HS6ST3: variants seen among roughly 807,000 people sequenced by gnomAD.
HS6ST3 encodes heparan sulfate 6-O-sulfotransferase 3.
Under a neutral mutation model 36.7 loss-of-function variants are expected in HS6ST3, and 12 were observed. That is an observed-to-expected ratio of 0.33 (90% confidence interval 0.21 to 0.53). The LOEUF is 0.53. Ranked by LOEUF, HS6ST3 falls within the 20% of genes least tolerant of loss-of-function variation. HS6ST3 has a pLI of 0.95. For synonymous variants in HS6ST3, 240 were observed against 257.5 expected, an observed-to-expected ratio of 0.93 and a Z score of 0.65; for missense variants, 584 against 640.9, an observed-to-expected ratio of 0.91 and a Z score of 0.96.
At chr13:96,674,905 C>G (rs150932499) in intron 1 of HS6ST3, among the ~76,000 whole-genome samples, 113 of 152,188 alleles carry the variant, frequency 7.4e-4, no homozygotes, top group African/African-American at 2.6e-3. Flanking sequence ...GAGTTTATGC[C>G]CTTTTCATCC....
intron 1 of HS6ST3, among the ~76,000 whole-genome samples, chr13:96,784,980 C>T (rs915236472): frequency 6.6e-6 from 1 of 152,112 alleles, no homozygotes; most frequent in South Asian, 2.1e-4. Flanking sequence ...CCAGCCTGGC[C>T]AACAGGGTGA....
chr13:96,091,640 G>A, intron 1 of HS6ST3, 71 bp downstream of exon 1: 1 of 1,430,024 alleles, frequency 7.0e-7, no homozygotes, highest in Non-Finnish European at 9.1e-7. Context: ...CTGACCCAGA[G>A]CGACCCCGCG....
intron 1 of HS6ST3, among the ~76,000 whole-genome samples, chr13:96,391,794 G>A (rs569609657): frequency 2.5e-4 from 38 of 152,258 alleles, no homozygotes; most frequent in Non-Finnish European, 3.5e-4. Flanking sequence ...CTGCACCCAC[G>A]ATTCAATCAC....
chr13:96,573,893 G>T, intron 1 of HS6ST3: 1 of 500,744 alleles, frequency 2.0e-6, no homozygotes, highest in South Asian at 1.5e-5. Flanking sequence ...CTCTCCCCCA[G>T]TCTAATGGAA....
chr13:96,708,535 C>T (rs1306857782), intron 1 of HS6ST3, among the ~76,000 whole-genome samples: 1 of 152,178 alleles, frequency 6.6e-6, no homozygotes, highest in Non-Finnish European at 1.5e-5. Flanking sequence ...GTCACCTGTA[C>T]TACTGTCCTC....
At position 96,755,374 on chromosome 13, in the gene HS6ST3, GT is replaced by G. The variant is rs372484642; in HGVS notation, c.708-77108del. 6.0e-5 allele frequency among the ~76,000 whole-genome samples: 9 copies of G among 151,096 alleles called. No individual in the cohort carries two copies. The South Asian group carries it at 8.4e-4, about 14-fold the overall frequency. On this transcript the variant is annotated intron_variant, in intron 1 of 1. Transcript: ENST00000376705. ...TTTTTTTGTTTTTGTTTTTGTTTTT[GT>G]TTTTTTTGAGACAGAGTCTCACTCT...
intron 1 of HS6ST3, among the ~76,000 whole-genome samples, chr13:96,373,778 GT>G (rs1416536746): frequency 6.6e-6 from 1 of 152,092 alleles, no homozygotes; most frequent in East Asian, 1.9e-4. Flanking sequence ...AAGTGGCTGG[GT>G]TTTTCCCAAT....
chr13:96,094,365 C>G (rs2053779790), intron 1 of HS6ST3, among the ~76,000 whole-genome samples: 1 of 152,178 alleles, frequency 6.6e-6, no homozygotes, highest in South Asian at 2.1e-4. Context: ...GTTCCCCACT[C>G]AAGGCCTTCT....
chr13:96,562,236 C>G (rs999502322), intron 1 of HS6ST3, among the ~76,000 whole-genome samples: 2 of 152,154 alleles, frequency 1.3e-5, no homozygotes, highest in Non-Finnish European at 2.9e-5. Context: ...AATATGGATG[C>G]AGCTGGTGGC....
Position 96,520,378 on chromosome 13 carries a change from C to A in HS6ST3, c.708-312112C>A, listed in dbSNP as rs548696825. Among the ~76,000 whole-genome samples the A allele has an allele frequency of 1.5e-3, 228 of 152,180 alleles. 1 individual carries two copies. The highest frequency in any genetic ancestry group is 5.2e-3 in the African/African-American group (214 of 41,532). ...CATATGAAGTTTAAAATAGTTTTTT[C>A]CAATTCTGTGAAGAAAGTCAGTGGT... On this transcript the variant is annotated intron_variant, in intron 1 of 1. Transcript: ENST00000376705.
chr13:96,714,855 T>A (rs1490608694), intron 1 of HS6ST3, among the ~76,000 whole-genome samples: 3 of 152,098 alleles, frequency 2.0e-5, no homozygotes, highest in Non-Finnish European at 4.4e-5. Context: ...CACACCGCCA[T>A]GCCCAGTTAA....
At chr13:96,625,510 C>T (rs2056509032) in intron 1 of HS6ST3, among the ~76,000 whole-genome samples, 1 of 152,172 alleles carries the variant, frequency 6.6e-6, no homozygotes, top group Non-Finnish European at 1.5e-5. Flanking sequence ...TAGCTCCATA[C>T]TGTTTCCAAC....
chr13:96,800,122 G>C (rs908336729), intron 1 of HS6ST3, among the ~76,000 whole-genome samples: 1 of 149,370 alleles, frequency 6.7e-6, no homozygotes, highest in Non-Finnish European at 1.5e-5. Context: ...TATTATTGTT[G>C]TTGTTCTCAT....
At chr13:96,589,472 CA>C (rs945697539) in intron 1 of HS6ST3, among the ~76,000 whole-genome samples, 3 of 151,730 alleles carry the variant, frequency 2.0e-5, no homozygotes, top group African/African-American at 4.8e-5. Flanking sequence ...TTTATCTTTT[CA>C]AAAAAACACA....
intron 1 of HS6ST3, among the ~76,000 whole-genome samples, chr13:96,237,781 G>A (rs2054541522): frequency 6.6e-6 from 1 of 152,168 alleles, no homozygotes. Context: ...GCTTTACTCA[G>A]TGCTGGGTTT....
intron 1 of HS6ST3, among the ~76,000 whole-genome samples, chr13:96,461,118 A>G (rs956594955): frequency 2.6e-5 from 4 of 152,234 alleles, no homozygotes; most frequent in Non-Finnish European, 5.9e-5. Flanking sequence ...CTGATTTGGT[A>G]GCAGATAAAA....
At chr13:96,143,611 A>T (rs912896953) in intron 1 of HS6ST3, among the ~76,000 whole-genome samples, 1 of 151,968 alleles carries the variant, frequency 6.6e-6, no homozygotes, top group African/African-American at 2.4e-5. Flanking sequence ...GATCATTTCT[A>T]TTTTTAAAAT....
At chr13:96,257,005 T>G (rs1162239955) in intron 1 of HS6ST3, among the ~76,000 whole-genome samples, 1 of 152,186 alleles carries the variant, frequency 6.6e-6, no homozygotes, top group Non-Finnish European at 1.5e-5. Context: ...AGCTGGAGCA[T>G]TTCTCAAAAG....
intron 1 of HS6ST3, among the ~76,000 whole-genome samples, chr13:96,199,272 T>C (rs2054329829): frequency 6.6e-6 from 1 of 152,210 alleles, no homozygotes; most frequent in Non-Finnish European, 1.5e-5. Context: ...GTGAATGTGC[T>C]TTATGGAGTT....
Sources: allele counts gnomAD v4.1 joint callset (sites outside exome capture counted in the v4.1 genomes callset), GRCh38; gene constraint gnomAD v4.1.1; transcripts MANE v1.5; gene names NCBI Gene and HGNC (gene_info 2026-07-23, HGNC 2026-07-21).